The following MAP4 variants were observed in gnomAD, a reference collection of about 807,000 sequenced individuals.
MAP4 encodes the protein microtubule associated protein 4, also known as microtubule-associated protein 4.
Under a neutral mutation model 170.2 loss-of-function variants are expected in MAP4, and 76 were observed. The ratio of observed to expected loss-of-function variants is 0.45; its 90% confidence interval spans 0.37 to 0.54. The LOEUF is 0.54. Among genes scored for constraint, MAP4 ranks in the 20% least tolerant of loss-of-function variants. MAP4 has a pLI of 0.00. For missense variants in MAP4, 2,506 were observed against 2,748.0 expected, an observed-to-expected ratio of 0.91 and a Z score of 1.97; for synonymous variants, 909 against 994.5, an observed-to-expected ratio of 0.91 and a Z score of 1.62.
At position 47,975,875 on chromosome 3, in the gene MAP4, C is replaced by T. The variant is rs185468548; in HGVS notation, c.292+1990G>A. ...TGCGATCTCGGCTCACTGAAACCTC[C>T]GCCTCCTGGGTTCAAGCGATTCTTC... is the stretch of plus-strand genomic sequence containing the variant. On this transcript the variant is annotated intron_variant, in intron 3 of 20. Transcript: ENST00000683076. Among the ~76,000 whole-genome samples, 697 of 151,844 alleles carry T rather than the reference C, an allele frequency of 4.6e-3. 8 individuals are homozygous for T. Among genetic ancestry groups the T allele is most frequent in the Non-Finnish European group, 3.8e-3 (257 of 67,942 alleles).
intron 6 of MAP4, among the ~76,000 whole-genome samples, chr3:47,918,047 A>G (rs918058098): frequency 1.3e-5 from 2 of 151,726 alleles, no homozygotes; most frequent in African/African-American, 2.4e-5. Context: ...CAGTGGCGCA[A>G]TCTCGGCTGA....
intron 3 of MAP4, among the ~76,000 whole-genome samples, chr3:47,958,499 T>C (rs1194029773): frequency 2.6e-5 from 4 of 152,134 alleles, no homozygotes; most frequent in Non-Finnish European, 5.9e-5. Context: ...CCCATTATTA[T>C]AAGTTGGAAT....
chr3:48,032,425 C>T (rs1337185042), intron 1 of MAP4, among the ~76,000 whole-genome samples: 1 of 151,758 alleles, frequency 6.6e-6, no homozygotes, highest in African/African-American at 2.4e-5. Flanking sequence ...TTACTTGAAT[C>T]TCGGAGGCGG....
chr3:47,862,190 CCCACA>C (rs1261450089), intron 17 of MAP4, among the ~76,000 whole-genome samples: 1 of 149,004 alleles, frequency 6.7e-6, no homozygotes, highest in Non-Finnish European at 1.5e-5. Context: ...ACCTAGGTAG[CCCACA>C]CCATGAAACA....
Position 47,909,418 on chromosome 3 carries a change from T to A in MAP4, c.5003A>T (p.Asp1668Val), listed in dbSNP as rs779438073. 6.2e-7 allele frequency: 1 copy of A among 1,613,544 alleles called. No homozygotes were observed. Among genetic ancestry groups the A allele is most frequent in the East Asian group, 2.2e-5 (1 of 44,872 alleles). The change falls in exon 9 of 21, where the codon GAT (aspartate) becomes GTT (valine). Residue 1668 changes from aspartate (D) to valine (V), a missense_variant. Asp to Val is a radical substitution (Grantham distance 152, BLOSUM62 -3). Coordinates refer to ENST00000683076, the MANE Select transcript of MAP4 (RefSeq NM_001385682.1). ...AGCCAGACTAATTTCTTTCAATTTA[T>A]CATTTTCACTTTTTGGAGACAAAAG... is the stretch of plus-strand genomic sequence containing the variant. ...LTLLSPKSEN[D>V]KLKEISLACK...
intron 3 of MAP4, among the ~76,000 whole-genome samples, chr3:47,956,031 G>A (rs187061885): frequency 4.3e-4 from 66 of 152,198 alleles, no homozygotes; most frequent in Middle Eastern, 3.4e-3. Context: ...CTTGCTATTG[G>A]GTCTTGGCAG....
At chr3:48,057,054 C>T (rs1264804024) in intron 1 of MAP4, among the ~76,000 whole-genome samples, 1 of 148,546 alleles carries the variant, frequency 6.7e-6, no homozygotes, top group African/African-American at 2.5e-5. Context: ...GCCCGGCCGC[C>T]CCTACTGGGA....
At chr3:47,888,985 T>C (rs2098130809) in intron 10 of MAP4, among the ~76,000 whole-genome samples, 1 of 152,108 alleles carries the variant, frequency 6.6e-6, no homozygotes, top group Non-Finnish European at 1.5e-5. Flanking sequence ...GACAAAGACA[T>C]GGAAATGACA....
intron 1 of MAP4, among the ~76,000 whole-genome samples, chr3:48,021,756 C>G (rs996500281): frequency 1.3e-5 from 2 of 152,130 alleles, no homozygotes; most frequent in Non-Finnish European, 2.9e-5. Context: ...AAGTCAAGAA[C>G]AGCTAAGATA....
intron 5 of MAP4, among the ~76,000 whole-genome samples, chr3:47,920,551 T>G (rs968947736): frequency 5.3e-5 from 8 of 150,298 alleles, no homozygotes; most frequent in East Asian, 2.0e-4. Flanking sequence ...ATGGTTTTTT[T>G]TTTTTTTTTT....
chr3:47,936,378 C>T (rs2100052815), intron 3 of MAP4, among the ~76,000 whole-genome samples: 1 of 150,858 alleles, frequency 6.6e-6, no homozygotes, highest in Non-Finnish European at 1.5e-5. Flanking sequence ...GTTGCAGTGA[C>T]CCGAGATCAC....
At chr3:47,857,574 T>G in intron 17 of MAP4, 62 bp from the exon 18 acceptor site, 1 of 1,113,764 alleles carries the variant, frequency 9.0e-7, no homozygotes, top group Non-Finnish European at 1.4e-6. Flanking sequence ...GCCAACCCCA[T>G]GCTACCTTTT....
chr3:47,855,743 C>T lies in MAP4; in HGVS notation c.6584-383G>A, dbSNP rs1378889455. 3.3e-5 allele frequency among the ~76,000 whole-genome samples: 5 copies of T among 152,192 alleles called. No individual in the cohort carries two copies. Among genetic ancestry groups the T allele is most frequent in the African/African-American group, 1.2e-4 (5 of 41,454 alleles). ...ACTGGGCCATGCAGTGCTTCTCAGG[C>T]ACAGCCTCACTGAATTCTCATGAAT... On this transcript the variant is annotated intron_variant, in intron 18 of 20. Coordinates refer to ENST00000683076, the MANE Select transcript of MAP4 (RefSeq NM_001385682.1). This position sits in a 1 kb window ranked among gnomAD's most constrained non-coding sequence, Gnocchi z 5.1.
At position 47,951,268 on chromosome 3, in the gene MAP4, T is replaced by G. The variant is rs576970614; in HGVS notation, c.293-22918A>C. Among the ~76,000 whole-genome samples the G allele has an allele frequency of 1.0e-3, 155 of 152,288 alleles. 2 individuals carry two copies. The South Asian group carries it at 0.03, about 30-fold the overall frequency. On this transcript the variant is annotated intron_variant, in intron 3 of 20. Coordinates refer to ENST00000683076, the MANE Select transcript of MAP4 (RefSeq NM_001385682.1). ...TACCTTCATTTTTTTGTTGGTATGC[T>G]GAAGAAACTTTTTAAAGTATCTCAC...
intron 1 of MAP4, among the ~76,000 whole-genome samples, chr3:48,064,730 C>T (rs1579735395): frequency 6.6e-6 from 1 of 152,196 alleles, no homozygotes; most frequent in East Asian, 1.9e-4. Flanking sequence ...ACTAAACAAA[C>T]CTAGATGGTA....
Position 47,911,620 on chromosome 3 carries a change from T to G in MAP4, c.2801A>C (p.Tyr934Ser). ...GATATCCAAAGGGGTTTCTACATTG[T>G]ATGCAGAAACTTCTGCTAGGGGTCC... is the stretch of plus-strand genomic sequence containing the variant. ...LKGPLAEVSAYNVETPLDIRL... is the reference protein window; with the variant it reads ...LKGPLAEVSASNVETPLDIRL... Residue 934 changes from tyrosine to serine, a missense_variant, in exon 9 of 21, where the codon TAC becomes TCC. By Grantham distance (144) the Tyr-to-Ser change is moderately radical. Coordinates refer to ENST00000683076, the MANE Select transcript of MAP4 (RefSeq NM_001385682.1). The surrounding 1 kb of genome is among the most constrained non-coding windows in gnomAD (Gnocchi z 4.0). 6.5e-7 allele frequency: 1 copy of G among 1,536,010 alleles called. No individual in the cohort carries two copies. The highest frequency in any genetic ancestry group is 8.7e-7 in the Non-Finnish European group (1 of 1,146,786).
intron 12 of MAP4, among the ~76,000 whole-genome samples, chr3:47,872,636 C>A (rs72909691): frequency 2.4e-4 from 36 of 152,260 alleles, no homozygotes; most frequent in African/African-American, 7.5e-4. Context: ...TGAGGGCACA[C>A]AACAGAGAGT....
chr3:48,021,226 G>A (rs118110144), upstream of MAP4, among the ~76,000 whole-genome samples: 214 of 152,190 alleles, frequency 1.4e-3, 1 homozygote, highest in East Asian at 0.032. Context: ...ACGGATTTTT[G>A]TACAAGTGAT....
intron 2 of MAP4, among the ~76,000 whole-genome samples, chr3:47,994,919 A>T (rs2100094473): frequency 6.6e-6 from 1 of 151,546 alleles, no homozygotes; most frequent in Non-Finnish European, 1.5e-5. Context: ...ACTGCACTCC[A>T]GCCTGTGCAA....
Sources: gnomAD v4.1 joint callset for allele counts (sites outside exome capture counted in the v4.1 genomes callset) on GRCh38, gnomAD v4.1.1 for gene constraint, Gnocchi (gnomAD v3.1) non-coding constraint, MANE v1.5 for transcripts, NCBI Gene and HGNC (gene_info 2026-07-23, HGNC 2026-07-21) for gene names.